Variants in PCOLCE2 observed in about 807,000 individuals in gnomAD.
PCOLCE2 encodes procollagen C-endopeptidase enhancer 2.
In PCOLCE2, 42 loss-of-function variants were observed where a neutral mutation model predicts 47.0. The ratio of observed to expected loss-of-function variants is 0.89; its 90% CI spans 0.70 to 1.16. The LOEUF (loss-of-function observed/expected upper bound fraction) is 1.16. Ranked by LOEUF, PCOLCE2 falls within the 50% of genes most tolerant of loss-of-function variation. PCOLCE2 has a pLI of 0.00. For synonymous variants in PCOLCE2, 169 were observed against 191.7 expected (o/e 0.88, Z 0.98); for missense variants, 500 against 526.1 (o/e 0.95, Z 0.49).
chr3:142,841,074 CAAA>C (rs59679467), intron 4 of PCOLCE2, among the ~76,000 whole-genome samples: 3 of 93,608 alleles, frequency 3.2e-5, no homozygotes, highest in Non-Finnish European at 2.2e-5. Flanking sequence ...GACTCCGTCT[CAAA>C]AAAAAAAAAA....
intron 2 of PCOLCE2, among the ~76,000 whole-genome samples, chr3:142,879,612 C>G (rs1933563417): frequency 1.3e-5 from 2 of 152,114 alleles, no homozygotes; most frequent in South Asian, 4.1e-4. Flanking sequence ...ATAATGAAAA[C>G]TTTTTAATTT....
At chr3:142,862,289 C>CT (rs1933194888) in intron 2 of PCOLCE2, among the ~76,000 whole-genome samples, 1 of 152,198 alleles carries the variant, frequency 6.6e-6, no homozygotes, top group African/African-American at 2.4e-5. Flanking sequence ...GCTCCAGAGC[C>CT]TTTCTAGAAT....
Position 142,842,997 on chromosome 3 carries a change from GT to G in PCOLCE2, c.499del (p.Thr167ProfsTer20), listed in dbSNP as rs1346760717. 3.7e-6 allele frequency: 6 copies of G among 1,613,732 alleles called. No homozygotes were observed. Among genetic ancestry groups the G allele is most frequent in the Non-Finnish European group, 5.1e-6 (6 of 1,179,674 alleles). On this transcript the variant is annotated frameshift_variant, in exon 4 of 9. Coordinates refer to ENST00000295992, the MANE Select transcript of PCOLCE2 (RefSeq NM_013363.4). LOFTEE classifies it high-confidence loss of function. This position sits in a 1 kb window ranked among gnomAD's most constrained non-coding sequence, Gnocchi z 4.1. ...LLDRPSGSFK[T>X]PNWPDRDYPA... is the part of the protein sequence containing the mutation. ...GTAATCCCGGTCTGGCCAGTTGGGG[GT>G]TTTAAAAGAGCCGGAAGGTCTGTCA...
intron 4 of PCOLCE2, among the ~76,000 whole-genome samples, chr3:142,840,505 T>G (rs750399411): frequency 9.2e-5 from 14 of 152,136 alleles, no homozygotes; most frequent in African/African-American, 3.1e-4. Context: ...TAGAGAAGAC[T>G]CAAACACAGT....
chr3:142,876,087 T>C (rs1933489713), intron 2 of PCOLCE2, among the ~76,000 whole-genome samples: 2 of 152,198 alleles, frequency 1.3e-5, no homozygotes, highest in South Asian at 4.1e-4. Flanking sequence ...CTTTGCATCA[T>C]CTAGGTTTCC....
chr3:142,837,838 C>T (rs1052935212), intron 5 of PCOLCE2, among the ~76,000 whole-genome samples: 3 of 152,218 alleles, frequency 2.0e-5, no homozygotes, highest in Admixed American at 2.0e-4. Context: ...AGTGGCAGAA[C>T]TCTTGGCTCC....
rs1286679863 is a variant in PCOLCE2 at position 142,820,916 on chromosome 3, A to G, written c.1079T>C (p.Leu360Pro). The change falls in exon 8 of 9, where the codon CTG becomes CCG. Residue 360 changes from leucine to proline, a missense_variant. Physicochemically the swap from Leu to Pro is moderately conservative, Grantham distance 98 (BLOSUM62 -3). Transcript: ENST00000295992. ...QQAGKNMSAR[L>P]TVVCKQCPLL... is the part of the protein sequence containing the mutation. The stretch of plus-strand genomic sequence containing the variant: ...AGGGCACTGCTTGCAGACGACAGTC[A>G]GCCTGGCACTCATGTTCTTGCCCGC... The G allele has an allele frequency of 3.1e-6, 5 of 1,613,858 alleles. No homozygotes were observed. In the African/African-American group the frequency reaches 5.3e-5, roughly 17 times the overall value.
chr3:142,856,632 T>A (rs1402268020), intron 2 of PCOLCE2, among the ~76,000 whole-genome samples: 1 of 152,068 alleles, frequency 6.6e-6, no homozygotes, highest in African/African-American at 2.4e-5. Flanking sequence ...AAGGCTAAGG[T>A]AGATGCAGCA....
At chr3:142,821,603 G>A (rs1402574837) in intron 7 of PCOLCE2, among the ~76,000 whole-genome samples, 1 of 151,700 alleles carries the variant, frequency 6.6e-6, no homozygotes, top group East Asian at 1.9e-4. Context: ...GGAAAGCTCT[G>A]TCTTCTACGG....
chr3:142,888,980 C>CGCTCACACTGGTAGCAGCGCTG lies in PCOLCE2; in HGVS notation c.-85_-84insCAGCGCTGCTACCAGTGTGAGC. 1 of 514,054 alleles carries CGCTCACACTGGTAGCAGCGCTG rather than the reference C, an allele frequency of 1.9e-6. No homozygotes were observed. Among genetic ancestry groups the CGCTCACACTGGTAGCAGCGCTG allele is most frequent in the Non-Finnish European group, 3.2e-6 (1 of 316,242 alleles). The allele number at this position is 514,054 out of a possible 1,614,324, so 31.8% of individuals were successfully genotyped here. A position where few individuals can be genotyped will look rare whatever the true frequency, so the allele number is the denominator to read the frequency against. ...TCCGCACCCACCGCGCTCACACCGC[C>CGCTCACACTGGTAGCAGCGCTG]GCTCACACTGGCAGCAGCGCTGGCT... On this transcript the variant is annotated 5_prime_UTR_variant, in exon 1 of 9. Transcript: ENST00000295992.
chr3:142,822,144 C>G (rs1418314466), intron 7 of PCOLCE2, among the ~76,000 whole-genome samples: 1 of 151,988 alleles, frequency 6.6e-6, no homozygotes, highest in Non-Finnish European at 1.5e-5. Context: ...CTCGAACTCC[C>G]AACCTCAGGT....
chr3:142,873,422 T>C (rs925397786), intron 2 of PCOLCE2, among the ~76,000 whole-genome samples: 1 of 151,828 alleles, frequency 6.6e-6, no homozygotes, highest in Non-Finnish European at 1.5e-5. Flanking sequence ...AAAAAATTTT[T>C]TAAAGTTAAC....
chr3:142,873,595 T>C (rs1238219850), intron 2 of PCOLCE2, among the ~76,000 whole-genome samples: 1 of 152,190 alleles, frequency 6.6e-6, no homozygotes, highest in Non-Finnish European at 1.5e-5. Context: ...ATAATACATA[T>C]TTATATTTCA....
intron 6 of PCOLCE2, among the ~76,000 whole-genome samples, chr3:142,828,180 C>T (rs953590141): frequency 2.0e-5 from 3 of 152,186 alleles, no homozygotes; most frequent in Non-Finnish European, 2.9e-5. Flanking sequence ...CAGCTTCCCC[C>T]ACACATAGGA....
chr3:142,855,414 G>C (rs1427065030), intron 2 of PCOLCE2, among the ~76,000 whole-genome samples: 1 of 152,142 alleles, frequency 6.6e-6, no homozygotes, highest in African/African-American at 2.4e-5. Context: ...CACAAGTACA[G>C]GGCAAGTATT....
intron 2 of PCOLCE2, among the ~76,000 whole-genome samples, chr3:142,874,184 T>G (rs1933451255): frequency 6.6e-6 from 1 of 152,204 alleles, no homozygotes; most frequent in African/African-American, 2.4e-5. Flanking sequence ...CAAGCAATTC[T>G]CCTGCCTCAG....
At chr3:142,825,447 TCCACCCTC>T (rs1373333513) in intron 6 of PCOLCE2, among the ~76,000 whole-genome samples, 3 of 152,100 alleles carry the variant, frequency 2.0e-5, no homozygotes, top group Non-Finnish European at 4.4e-5. Flanking sequence ...TTTCTATGGG[TCCACCCTC>T]CCATGTCTGA....
intron 2 of PCOLCE2, among the ~76,000 whole-genome samples, chr3:142,868,828 G>A (rs1227355496): frequency 6.6e-6 from 1 of 152,138 alleles, no homozygotes; most frequent in Non-Finnish European, 1.5e-5. Flanking sequence ...CTGTAAGGGC[G>A]CACTATTCAA....
chr3:142,825,183 T>A (rs1423934145), intron 6 of PCOLCE2, among the ~76,000 whole-genome samples: 1 of 152,106 alleles, frequency 6.6e-6, no homozygotes, highest in Non-Finnish European at 1.5e-5. Context: ...CAAAAAGTTG[T>A]GGTGTGTCTG....
Sources: allele counts gnomAD v4.1 joint callset (sites outside exome capture counted in the v4.1 genomes callset), GRCh38; gene constraint gnomAD v4.1.1; non-coding constraint Gnocchi (gnomAD v3.1); transcripts MANE v1.5; gene names NCBI Gene and HGNC (gene_info 2026-07-23, HGNC 2026-07-21).